Variants in ACOX2 observed in about 807,000 individuals in gnomAD.
The protein encoded by ACOX2 is peroxisomal acyl-coenzyme A oxidase 2.
Under a neutral mutation model 77.5 loss-of-function variants are expected in ACOX2, and 59 were observed. The observed-to-expected ratio is 0.76, with a 90% CI of 0.62 to 0.95. The LOEUF (loss-of-function observed/expected upper bound fraction) is 0.95. ACOX2 is among the 40% of genes least tolerant of loss of function. The probability of loss-of-function intolerance (pLI) is 0.00; values close to 1 mark genes in which losing one functional copy is unlikely to be tolerated. For missense variants in ACOX2, 837 were observed against 880.4 expected (o/e 0.95, Z 0.62); for synonymous variants, 317 against 340.1 (o/e 0.93, Z 0.75).
Position 58,524,642 on chromosome 3 carries a change from G to T in ACOX2, c.1347-37C>A. The T allele has an allele frequency of 6.3e-7, 1 of 1,593,054 alleles. No homozygotes were observed. The highest frequency in any genetic ancestry group is 8.6e-7 in the Non-Finnish European group (1 of 1,165,810). ...AAGAGGAGGCAGGTGAGAGGGCAGAGACTCTGTGAGACAGCCCAGCACCCC... is the reference window on the plus strand; with the variant it reads ...AAGAGGAGGCAGGTGAGAGGGCAGATACTCTGTGAGACAGCCCAGCACCCC... On this transcript the variant is annotated intron_variant, in intron 10 of 14. Coordinates refer to ENST00000302819, the MANE Select transcript of ACOX2 (RefSeq NM_003500.4). The surrounding 1 kb of genome is among the most constrained non-coding windows in gnomAD (Gnocchi z 5.5).
chr3:58,535,072 T>A lies in ACOX2; in HGVS notation c.35A>T (p.Asp12Val). 6.2e-6 allele frequency: 10 copies of A among 1,614,194 alleles called. No individual in the cohort carries two copies. Among genetic ancestry groups the A allele is most frequent in the Non-Finnish European group, 8.5e-6 (10 of 1,180,032 alleles). The change falls in exon 2 of 15, where the codon GAT (aspartate) becomes GTT (valine). Residue 12 changes from aspartate to valine, a missense_variant. Coordinates refer to ENST00000302819, the MANE Select transcript of ACOX2 (RefSeq NM_003500.4). The surrounding 1 kb of genome is among the most constrained non-coding windows in gnomAD (Gnocchi z 4.8). ...GGGGTGCATTTGCCTGCTCCAGGTA[T>A]CCCCCAATGACACTCGGTGCACTGG... Reference protein sequence around the residue: ...GSPVHRVSLGDTWSRQMHPDI... With the variant: ...GSPVHRVSLGVTWSRQMHPDI...
chr3:58,530,900 C>T (rs1170323875), intron 7 of ACOX2, among the ~76,000 whole-genome samples: 2 of 152,228 alleles, frequency 1.3e-5, no homozygotes, highest in African/African-American at 4.8e-5. Context: ...CTCCTGCTGG[C>T]ATTCTGGCTG....
At chr3:58,532,520 G>GC (rs2063448385) in intron 5 of ACOX2, among the ~76,000 whole-genome samples, 1 of 151,972 alleles carries the variant, frequency 6.6e-6, no homozygotes, top group South Asian at 2.1e-4. Flanking sequence ...CGAGTAGGTG[G>GC]GACTACAGAT....
rs936895734 is a variant in ACOX2 at position 58,521,502 on chromosome 3, G to C, written c.1632+994C>G. On this transcript the variant is annotated intron_variant, in intron 12 of 14. Coordinates refer to ENST00000302819, the MANE Select transcript of ACOX2 (RefSeq NM_003500.4). This position sits in a 1 kb window ranked among gnomAD's most constrained non-coding sequence, Gnocchi z 4.8. ...TGCCTTCTTCCCCCTTAGCATCTCT[G>C]ATCTACCCACTTGTCTCCAGGCCTT... Among the ~76,000 whole-genome samples the C allele has an allele frequency of 2.0e-5, 3 of 152,100 alleles. No individual in the cohort carries two copies. Among genetic ancestry groups the C allele is most frequent in the Non-Finnish European group, 2.9e-5 (2 of 68,010 alleles).
intron 13 of ACOX2, chr3:58,511,494 T>G (rs780840211): frequency 3.7e-5 from 8 of 213,564 alleles, no homozygotes; most frequent in Non-Finnish European, 7.7e-5. Flanking sequence ...CAAGAAGATC[T>G]CCAAGAGGTC....
chr3:58,509,139 A>C, intron 13 of ACOX2, 114 bp from the exon 14 acceptor site: 2 of 1,287,254 alleles, frequency 1.6e-6, no homozygotes, highest in Non-Finnish European at 1.1e-6. Flanking sequence ...TTCGCTTTTC[A>C]AACAATTCAG....
chr3:58,532,636 C>T (rs1451269407), intron 5 of ACOX2, among the ~76,000 whole-genome samples: 5 of 152,126 alleles, frequency 3.3e-5, no homozygotes, highest in Admixed American at 6.5e-5. Context: ...CCACTCACCT[C>T]GGCATCCCAA....
rs751039359 is a variant in ACOX2 at position 58,526,365 on chromosome 3, G to A, written c.1346+101C>T. On this transcript the variant is annotated intron_variant, in intron 10 of 14. Transcript: ENST00000302819. This position sits in a 1 kb window ranked among gnomAD's most constrained non-coding sequence, Gnocchi z 4.3. ...CAGCTCCCAAATAGCACTTCGCAAAGCCTGCTCTTTTTATGGGCCTCAGAC... is the reference window on the plus strand; with the variant it reads ...CAGCTCCCAAATAGCACTTCGCAAAACCTGCTCTTTTTATGGGCCTCAGAC... 8.1e-6 allele frequency: 11 copies of A among 1,358,556 alleles called. No homozygotes were observed. Among genetic ancestry groups the A allele is most frequent in the Admixed American group, 2.7e-5 (1 of 37,066 alleles). 84.2% of individuals were successfully genotyped at this position (1,358,556 alleles called of 1,614,324 possible). A position where few individuals can be genotyped will look rare whatever the true frequency, so the allele number is the denominator to read the frequency against.
In ACOX2 at chr3:58,528,584, C is replaced by T. The variant is rs577399918; in HGVS notation, c.1155+210G>A. Among the ~76,000 whole-genome samples the T allele has an allele frequency of 2.0e-5, 3 of 149,086 alleles. No individual in the cohort carries two copies. In the East Asian group the frequency reaches 6.0e-4, roughly 30 times the overall value. On this transcript the variant is annotated intron_variant, in intron 9 of 14. Transcript: ENST00000302819. The surrounding 1 kb of genome is among the most constrained non-coding windows in gnomAD (Gnocchi z 5.6). ...TCTACGCTAGGTGTGATTGTTTTCT[C>T]TTAGTATGTTTGTAGCTCTCTGGGG...
Position 58,514,095 on chromosome 3 carries a change from A to G in ACOX2, c.1850+3111T>C, listed in dbSNP as rs1459260951. ...AACTATACCTGATGCTCCCTAGTCC[A>G]CAGATCCTCTATTTACCCTTCTGCC... On this transcript the variant is annotated intron_variant, in intron 13 of 14. Transcript: ENST00000302819. This position sits in a 1 kb window ranked among gnomAD's most constrained non-coding sequence, Gnocchi z 4.3. 6.6e-6 allele frequency among the ~76,000 whole-genome samples: 1 copy of G among 152,196 alleles called. No homozygotes were observed.
chr3:58,531,489 A>G lies in ACOX2; in HGVS notation c.704-123T>C. ...ACTGGGATTATTGTACCTATTTTGC[A>G]GGTGAACAAGCTGAGGTCAGAAAGA... On this transcript the variant is annotated intron_variant, in intron 6 of 14. Transcript: ENST00000302819. The surrounding 1 kb of genome is among the most constrained non-coding windows in gnomAD (Gnocchi z 5.8). 1 of 1,227,270 alleles carries G rather than the reference A, an allele frequency of 8.1e-7. No homozygotes were observed. The highest frequency in any genetic ancestry group is 1.1e-6 in the Non-Finnish European group (1 of 875,224). The allele number at this position is 1,227,270 out of a possible 1,614,324, so 76.0% of individuals were successfully genotyped here.
rs2063226364 is a variant in ACOX2 at position 58,505,293 on chromosome 3, G to C, written c.1984-7C>G. 6.2e-7 allele frequency: 1 copy of C among 1,610,680 alleles called. No homozygotes were observed. The highest frequency in any genetic ancestry group is 1.7e-5 in the Admixed American group (1 of 59,602). On this transcript the variant is annotated splice_polypyrimidine_tract_variant and splice_region_variant and intron_variant, in intron 14 of 14. Transcript: ENST00000302819. The surrounding 1 kb of genome is among the most constrained non-coding windows in gnomAD (Gnocchi z 4.4). ...CCTCATAGGCAGGGTTCTCCTGTTT[G>C]TAGAAAGAAACGCATTATTAACACA...
Position 58,535,247 on chromosome 3 carries a change from G to C in ACOX2, c.-91-50C>G. 1 of 1,076,318 alleles carries C rather than the reference G, an allele frequency of 9.3e-7. No individual in the cohort carries two copies. Among genetic ancestry groups the C allele is most frequent in the Non-Finnish European group, 1.4e-6 (1 of 732,534 alleles). The allele number at this position is 1,076,318 out of a possible 1,614,324, so 66.7% of individuals were successfully genotyped here. A position where few individuals can be genotyped will look rare whatever the true frequency, so the allele number is the denominator to read the frequency against. On this transcript the variant is annotated intron_variant, in intron 1 of 14. Transcript: ENST00000302819. This position sits in a 1 kb window ranked among gnomAD's most constrained non-coding sequence, Gnocchi z 4.8. ...GGCTGGGTGTCAGCCAGGGCTGGTT[G>C]GTAGAAGAAAGACATCCCTAAGTAC...
chr3:58,523,162 T>C lies in ACOX2; in HGVS notation c.1527-561A>G, dbSNP rs1017109317. Among the ~76,000 whole-genome samples the C allele has an allele frequency of 2.6e-5, 4 of 152,244 alleles. No homozygotes were observed. In the East Asian group the frequency reaches 7.7e-4, roughly 29 times the overall value. On this transcript the variant is annotated intron_variant, in intron 11 of 14. Coordinates refer to ENST00000302819, the MANE Select transcript of ACOX2 (RefSeq NM_003500.4). The surrounding 1 kb of genome is among the most constrained non-coding windows in gnomAD (Gnocchi z 5.3). ...ACCTTTAATCCCCTCTTATTTTCTA[T>C]TCCCTGCCCATCCATCCATGACCCT...
Position 58,522,456 on chromosome 3 carries a change from C to A in ACOX2, c.1632+40G>T, listed in dbSNP as rs1264707710. The A allele has an allele frequency of 6.3e-7, 1 of 1,597,752 alleles. No homozygotes were observed. Among genetic ancestry groups the A allele is most frequent in the South Asian group, 1.1e-5 (1 of 90,608 alleles). On this transcript the variant is annotated intron_variant, in intron 12 of 14. Transcript: ENST00000302819. The surrounding 1 kb of genome is among the most constrained non-coding windows in gnomAD (Gnocchi z 4.3). ...CCAGCAGGGTAGCCTGCCTGGGAAG[C>A]AAAATGGATCCCTTTCAGCTTCAGC...
At chr3:58,510,701 TATATATATACACACACACACACACAC>T (rs2063279070) in intron 13 of ACOX2, among the ~76,000 whole-genome samples, 1 of 5,472 alleles carries the variant, frequency 1.8e-4, no homozygotes, top group South Asian at 8.3e-3. Context: ...TATATATATA[TATATATATACACACACACACACACAC>T]ACACACACAC....
chr3:58,506,778 C>T (rs1235833634), intron 14 of ACOX2, among the ~76,000 whole-genome samples: 4 of 152,072 alleles, frequency 2.6e-5, no homozygotes, highest in African/African-American at 4.8e-5. Flanking sequence ...GATGACAGAG[C>T]GAGACTCTGT....
Position 58,534,613 on chromosome 3 carries a change from A to T in ACOX2, c.161-91T>A, listed in dbSNP as rs2063467427. 1.9e-6 allele frequency: 3 copies of T among 1,604,272 alleles called. No homozygotes were observed. Among genetic ancestry groups the T allele is most frequent in the Non-Finnish European group, 1.7e-6 (2 of 1,176,966 alleles). ...TCACCCACTTGCTTCATGGATCTGG[A>T]AAGGAAGTCAGACATTATTGTTATT... On this transcript the variant is annotated intron_variant, in intron 2 of 14. Transcript: ENST00000302819. This position sits in a 1 kb window ranked among gnomAD's most constrained non-coding sequence, Gnocchi z 4.8.
chr3:58,516,556 G>A (rs978050197), intron 13 of ACOX2, among the ~76,000 whole-genome samples: 1 of 152,254 alleles, frequency 6.6e-6, no homozygotes, highest in African/African-American at 2.4e-5. Context: ...GGTTGGCTAT[G>A]CCTGGGCACG....
Sources: gnomAD v4.1 joint callset for allele counts (sites outside exome capture counted in the v4.1 genomes callset) on GRCh38, gnomAD v4.1.1 for gene constraint, Gnocchi (gnomAD v3.1) non-coding constraint, MANE v1.5 for transcripts, NCBI Gene and HGNC (gene_info 2026-07-23, HGNC 2026-07-21) for gene names.